The following CUX1 variants were observed in gnomAD, a reference collection of about 807,000 sequenced individuals.
CUX1 encodes cut like homeobox 1, also known as protein CASP.
Under a neutral mutation model 158.8 loss-of-function variants are expected in CUX1, and 31 were observed. The observed-to-expected ratio is 0.20, with a 90% CI of 0.15 to 0.26. The LOEUF (loss-of-function observed/expected upper bound fraction) is 0.26, where lower values mean the gene tolerates loss of function less well. Among genes scored for constraint, CUX1 ranks in the 10% least tolerant of loss-of-function variants. The pLI, the probability that CUX1 is intolerant of heterozygous loss-of-function variation, is 1.00. For missense variants in CUX1, 1,589 were observed against 2,014.6 expected (o/e 0.79, Z 4.04); for synonymous variants, 879 against 862.1 (o/e 1.02, Z -0.34).
intron 20 of CUX1, among the ~76,000 whole-genome samples, chr7:102,221,928 C>T (rs1194512008): frequency 6.6e-6 from 1 of 151,958 alleles, no homozygotes; most frequent in African/African-American, 2.4e-5. Flanking sequence ...TGTCTGATTT[C>T]TCCCTTATCC....
At chr7:102,227,277 T>G in intron 20 of CUX1, 90 bp from the exon 21 acceptor site, 1 of 1,133,506 alleles carries the variant, frequency 8.8e-7, no homozygotes, top group Non-Finnish European at 1.3e-6. Context: ...TACAGAGCGT[T>G]TAATTAGTAT....
intron 11 of CUX1, among the ~76,000 whole-genome samples, chr7:102,180,257 A>G (rs1300999394): frequency 6.6e-6 from 1 of 150,676 alleles, no homozygotes; most frequent in Non-Finnish European, 1.5e-5. Flanking sequence ...TCCTGACCTC[A>G]GGTGATCACC....
At chr7:102,282,617 A>G (rs1792166477) in intron 21 of CUX1, 1 of 1,339,778 alleles carries the variant, frequency 7.5e-7, no homozygotes, top group African/African-American at 1.4e-5. Flanking sequence ...GGGCTCGAGA[A>G]CCTTTATGTT....
rs1460579640 is a variant in CUX1, at chr7:101,916,923, AC to A, written c.141+699del. Among the ~76,000 whole-genome samples the A allele has an allele frequency of 1.3e-5, 2 of 151,380 alleles. No individual in the cohort carries two copies. The highest frequency in any genetic ancestry group is 1.9e-4 in the East Asian group (1 of 5,164). On this transcript the variant is annotated intron_variant, in intron 2 of 23. Transcript: ENST00000292535. The surrounding 1 kb of genome is among the most constrained non-coding windows in gnomAD (Gnocchi z 4.4). ...GGGGCTTACTAAGAAAAAAAAAAAA[AC>A]ATCCAAGCGTGTTGCAGGCAGATGA... is the stretch of plus-strand genomic sequence containing the variant.
chr7:102,032,670 CTAAATAAA>C (rs36138259), intron 3 of CUX1, among the ~76,000 whole-genome samples: 2 of 149,826 alleles, frequency 1.3e-5, no homozygotes, highest in Admixed American at 6.7e-5. Flanking sequence ...GAGACTCCGT[CTAAATAAA>C]TAAATAAATA....
upstream of CUX1, among the ~76,000 whole-genome samples, chr7:101,816,558 C>T (rs1791821628): frequency 7.1e-6 from 1 of 141,754 alleles, no homozygotes; most frequent in South Asian, 2.2e-4. Context: ...GGGGCCGCGG[C>T]CCGGCGGTGG....
chr7:102,236,907 G>C (rs541403611), intron 22 of CUX1, among the ~76,000 whole-genome samples: 1 of 152,192 alleles, frequency 6.6e-6, no homozygotes, highest in African/African-American at 2.4e-5. Context: ...TTTCTGCGGG[G>C]CCCAGACCTT....
chr7:102,030,300 C>T (rs546115769), intron 3 of CUX1, among the ~76,000 whole-genome samples: 62 of 152,314 alleles, frequency 4.1e-4, no homozygotes, highest in African/African-American at 8.2e-4. Context: ...GCGTGAGCCA[C>T]TGCGCCCGGC....
At chr7:102,032,690 A>T (rs1820931719) in intron 3 of CUX1, among the ~76,000 whole-genome samples, 1 of 152,074 alleles carries the variant, frequency 6.6e-6, no homozygotes, top group African/African-American at 2.4e-5. Context: ...AAATAAATAA[A>T]TAAATAAAAG....
rs184808787 is a variant in CUX1 at position 101,967,202 on chromosome 7, A to T, written c.141+50977A>T. ...GGTAATTTTTGTATTTTTAGTAGAG[A>T]TGGGGTTTCACCATGTTGGCCAGGC... On this transcript the variant is annotated intron_variant, in intron 2 of 23. Transcript: ENST00000292535. 2.8e-3 allele frequency among the ~76,000 whole-genome samples: 419 copies of T among 152,020 alleles called. 5 individuals are homozygous for T. In the East Asian group the frequency reaches 0.054, roughly 20 times the overall value.
chr7:102,140,505 C>T (rs1029762336), intron 8 of CUX1, among the ~76,000 whole-genome samples: 20 of 152,038 alleles, frequency 1.3e-4, no homozygotes, highest in African/African-American at 4.8e-4. Flanking sequence ...CTTAGCCTCC[C>T]AAAGTGCTAG....
At position 102,234,140 on chromosome 7, in the gene CUX1, C is replaced by T. The variant is rs1799290066; in HGVS notation, c.3522C>T (p.Leu1174=). The change falls in exon 22 of 24, where the codon CTC becomes CTT. Residue 1174 remains leucine (L), a synonymous_variant. Transcript: ENST00000292535. ...CCCGCCCCAAACCCTGGCATAAGCT[C>T]AGTCTGAAAGGACGAGAGCCCTTCG... ...LLARPKPWHK[L]SLKGREPFVR... 6.2e-7 allele frequency: 1 copy of T among 1,603,828 alleles called. No individual in the cohort carries two copies. The highest frequency in any genetic ancestry group is 8.5e-7 in the Non-Finnish European group (1 of 1,175,880).
chr7:101,895,028 T>A (rs566757960), intron 1 of CUX1, among the ~76,000 whole-genome samples: 13 of 151,994 alleles, frequency 8.6e-5, no homozygotes, highest in South Asian at 4.2e-4. Context: ...TTAATTAATT[T>A]ATTTATTTTT....
At chr7:102,061,155 C>G (rs1300103658) in intron 3 of CUX1, among the ~76,000 whole-genome samples, 1 of 152,080 alleles carries the variant, frequency 6.6e-6, no homozygotes, top group Admixed American at 6.6e-5. Context: ...AACTCCTGAC[C>G]TCAGGTGATC....
At chr7:101,919,093 G>A (rs1804576611) in intron 2 of CUX1, among the ~76,000 whole-genome samples, 1 of 152,212 alleles carries the variant, frequency 6.6e-6, no homozygotes, top group African/African-American at 2.4e-5. Context: ...TGCTGGAAAT[G>A]TTGAAACCAC....
At chr7:101,881,688 A>T (rs1178850572) in intron 1 of CUX1, among the ~76,000 whole-genome samples, 1 of 152,154 alleles carries the variant, frequency 6.6e-6, no homozygotes, top group Non-Finnish European at 1.5e-5. Flanking sequence ...ATTTGACAGC[A>T]CCTGTTAGGC....
At chr7:102,113,302 A>G (rs959439791) in intron 7 of CUX1, among the ~76,000 whole-genome samples, 5 of 152,074 alleles carry the variant, frequency 3.3e-5, no homozygotes, top group African/African-American at 9.6e-5. Flanking sequence ...GAAGTGGCAC[A>G]ATCTCGGCTC....
At chr7:102,134,662 A>G (rs1554498252) in intron 8 of CUX1, among the ~76,000 whole-genome samples, 1 of 152,182 alleles carries the variant, frequency 6.6e-6, no homozygotes, top group Non-Finnish European at 1.5e-5. Flanking sequence ...CAGTGGCGCA[A>G]TCACGACTCA....
chr7:102,147,284 G>A (rs1260699257), intron 8 of CUX1, among the ~76,000 whole-genome samples: 1 of 152,240 alleles, frequency 6.6e-6, no homozygotes, highest in East Asian at 1.9e-4. Flanking sequence ...GATGAGGGCT[G>A]CCAAGAAAAC....
Sources: gnomAD v4.1 joint callset for allele counts (sites outside exome capture counted in the v4.1 genomes callset) on GRCh38, gnomAD v4.1.1 for gene constraint, Gnocchi (gnomAD v3.1) non-coding constraint, MANE v1.5 for transcripts, NCBI Gene and HGNC (gene_info 2026-07-23, HGNC 2026-07-21) for gene names.